Variants in RAB38 observed in about 807,000 individuals in gnomAD.
The protein encoded by RAB38 is ras-related protein Rab-38.
RAB38 carries 15 observed loss-of-function variants against 18.4 expected under a neutral mutation model. The ratio of observed to expected loss-of-function variants is 0.82; its 90% confidence interval spans 0.55 to 1.26. RAB38 has a LOEUF of 1.26. Among genes scored for constraint, RAB38 ranks in the 50% most tolerant of loss-of-function variants. The pLI is 0.00. For missense variants in RAB38, 294 were observed against 267.4 expected (o/e 1.10, Z -0.69); for synonymous variants, 101 against 104.4 (o/e 0.97, Z 0.20).
the RAB38 span, among the ~76,000 whole-genome samples, chr11:87,951,635 G>C: frequency 6.6e-6 from 1 of 152,174 alleles, no homozygotes; most frequent in East Asian, 1.9e-4. Flanking sequence ...CCCAGCTGCA[G>C]GTCTGTTGGA....
At chr11:87,867,858 A>G in the RAB38 span, among the ~76,000 whole-genome samples, 133,894 of 151,628 alleles carry the variant, frequency 0.88, 59,291 homozygotes, top group African/African-American at 0.91. Context: ...TAAATCACTT[A>G]CCTCAACTCA....
chr11:87,821,324 G>T, the RAB38 span, among the ~76,000 whole-genome samples: 1 of 152,278 alleles, frequency 6.6e-6, no homozygotes, highest in Admixed American at 6.5e-5. Context: ...TGTATTGAGA[G>T]AAAATAACTG....
chr11:88,014,621 C>G, the RAB38 span, among the ~76,000 whole-genome samples: 1 of 152,098 alleles, frequency 6.6e-6, no homozygotes, highest in Non-Finnish European at 1.5e-5. Context: ...GCTAATTTCT[C>G]CCATCACCCA....
At chr11:87,950,289 G>A in the RAB38 span, among the ~76,000 whole-genome samples, 5 of 152,060 alleles carry the variant, frequency 3.3e-5, no homozygotes, top group African/African-American at 4.8e-5. Flanking sequence ...GTCTCTGCAC[G>A]TGAGATGGGT....
At chr11:87,896,100 T>C in the RAB38 span, among the ~76,000 whole-genome samples, 1 of 151,722 alleles carries the variant, frequency 6.6e-6, no homozygotes, top group Non-Finnish European at 1.5e-5. Context: ...TACAGCAATG[T>C]ATAAGAGTGA....
At chr11:88,140,030 C>G (rs1942886739) in intron 2 of RAB38, among the ~76,000 whole-genome samples, 1 of 152,168 alleles carries the variant, frequency 6.6e-6, no homozygotes, top group Non-Finnish European at 1.5e-5. Flanking sequence ...ATATTCTGGT[C>G]CTGGAGTGTG....
At chr11:87,866,232 G>A in the RAB38 span, among the ~76,000 whole-genome samples, 1 of 151,656 alleles carries the variant, frequency 6.6e-6, no homozygotes, top group African/African-American at 2.4e-5. Flanking sequence ...TTACTGATGT[G>A]CTTGCTAGAA....
downstream of RAB38, among the ~76,000 whole-genome samples, chr11:88,108,963 C>T (rs1212954493): frequency 1.3e-5 from 2 of 152,146 alleles, no homozygotes; most frequent in African/African-American, 4.8e-5. Context: ...TGAGTATTGG[C>T]CCCTACTCTC....
the RAB38 span, among the ~76,000 whole-genome samples, chr11:87,960,379 C>CAAA: frequency 1.9e-3 from 209 of 112,780 alleles, 2 homozygotes; most frequent in African/African-American, 6.3e-3. Flanking sequence ...TGGAAGACAA[C>CAAA]AAAAAAAAGA....
chr11:87,936,055 C>A, the RAB38 span, among the ~76,000 whole-genome samples: 2 of 151,966 alleles, frequency 1.3e-5, no homozygotes, highest in African/African-American at 4.8e-5. Context: ...AACACTAGTT[C>A]TTTGTAGGTT....
At chr11:87,842,385 G>C in the RAB38 span, among the ~76,000 whole-genome samples, 2 of 152,120 alleles carry the variant, frequency 1.3e-5, no homozygotes, top group Non-Finnish European at 2.9e-5. Context: ...GAGACAAGTT[G>C]AAATTCTGGA....
the RAB38 span, among the ~76,000 whole-genome samples, chr11:87,854,422 T>C: frequency 1.3e-4 from 20 of 152,224 alleles, no homozygotes; most frequent in Non-Finnish European, 2.8e-4. Flanking sequence ...TTCTCTTACA[T>C]TCTCTTTTCC....
chr11:88,102,725 A>G, the RAB38 span, among the ~76,000 whole-genome samples: 9 of 152,058 alleles, frequency 5.9e-5, no homozygotes, highest in Non-Finnish European at 1.2e-4. Context: ...AGGCAGTGTC[A>G]TTTCAGACAA....
the RAB38 span, among the ~76,000 whole-genome samples, chr11:87,898,289 G>C: frequency 6.6e-6 from 1 of 151,576 alleles, no homozygotes; most frequent in African/African-American, 2.4e-5. Flanking sequence ...CAACCACAGA[G>C]CGTGGGTAAA....
chr11:88,125,457 T>A (rs1942683660), intron 2 of RAB38, among the ~76,000 whole-genome samples: 1 of 152,200 alleles, frequency 6.6e-6, no homozygotes, highest in African/African-American at 2.4e-5. Flanking sequence ...TCCTTTGAAT[T>A]TTTGGATGAA....
chr11:88,023,632 T>A, the RAB38 span, among the ~76,000 whole-genome samples: 1 of 152,070 alleles, frequency 6.6e-6, no homozygotes, highest in Non-Finnish European at 1.5e-5. Context: ...GGAATTACAT[T>A]ACCTGACTTC....
At chr11:87,822,729 G>A in the RAB38 span, among the ~76,000 whole-genome samples, 1 of 152,178 alleles carries the variant, frequency 6.6e-6, no homozygotes, top group Non-Finnish European at 1.5e-5. Flanking sequence ...AAGTGAGTCA[G>A]TTTAAGTCCA....
chr11:88,137,345 A>G (rs1452787942), intron 2 of RAB38, among the ~76,000 whole-genome samples: 2 of 152,228 alleles, frequency 1.3e-5, no homozygotes. Flanking sequence ...CAAAAATCAG[A>G]AAAAACTTCA....
In RAB38 at chr11:88,149,765, CT is replaced by C. The variant is rs1591170978; in HGVS notation, c.392del (p.Gln131ArgfsTer7). ...CATTGTTCATGAGCACATCCTTCCC[CT>C]GGTCACATTTGTTGGCCAACAAAAC... ...SVVLLANKCDQGKDVLMNNGL... is the reference protein window; with the variant it reads ...SVVLLANKCDXGKDVLMNNGL... On this transcript the variant is annotated frameshift_variant, in exon 2 of 3. Coordinates refer to ENST00000243662, the MANE Select transcript of RAB38 (RefSeq NM_022337.3). LOFTEE classifies it high-confidence loss of function. 2 of 1,614,178 alleles carry C rather than the reference CT, an allele frequency of 1.2e-6. No homozygotes were observed. The highest frequency in any genetic ancestry group is 1.7e-6 in the Non-Finnish European group (2 of 1,180,026).
Sources: gnomAD v4.1 joint callset for allele counts (sites outside exome capture counted in the v4.1 genomes callset) on GRCh38, gnomAD v4.1.1 for gene constraint, MANE v1.5 for transcripts, NCBI Gene and HGNC (gene_info 2026-07-23, HGNC 2026-07-21) for gene names.